Variants in RUNX3 observed in about 807,000 individuals in gnomAD.
RUNX3 encodes the protein RUNX family transcription factor 3.
RUNX3 carries 10 observed loss-of-function variants against 27.7 expected under a neutral mutation model. The observed-to-expected ratio is 0.36, with a 90% CI of 0.22 to 0.61. RUNX3 has a LOEUF of 0.61. RUNX3 is among the 20% of genes least tolerant of loss of function. RUNX3 has a pLI of 0.72. For synonymous variants in RUNX3, 270 were observed against 269.2 expected, an observed-to-expected ratio of 1.00 and a Z score of -0.03; for missense variants, 469 against 629.5, an observed-to-expected ratio of 0.75 and a Z score of 2.73.
At chr1:24,945,113 C>T (rs1571344842) in intron 2 of RUNX3, among the ~76,000 whole-genome samples, 1 of 152,240 alleles carries the variant, frequency 6.6e-6, no homozygotes, top group South Asian at 2.1e-4. Flanking sequence ...GTGTTACATT[C>T]GCAGATAGAG....
chr1:24,941,729 T>G (rs1332121718), intron 2 of RUNX3, among the ~76,000 whole-genome samples: 1 of 152,106 alleles, frequency 6.6e-6, no homozygotes, highest in Non-Finnish European at 1.5e-5. Flanking sequence ...GGATGCTGCC[T>G]AGGAGATCTG....
Position 24,923,253 on chromosome 1 carries a change from G to A in RUNX3, c.440-3909C>T, listed in dbSNP as rs1641034739. On this transcript the variant is annotated intron_variant, in intron 2 of 4. Coordinates refer to ENST00000308873, the MANE Select transcript of RUNX3 (RefSeq NM_004350.3). The surrounding 1 kb of genome is among the most constrained non-coding windows in gnomAD (Gnocchi z 5.9). ...AGAGGAGTGTGGGGCCTAAGAGGAG[G>A]AGTGAGAGGGAGGGGCAGGAGTCCT... Among the ~76,000 whole-genome samples, 1 of 152,150 alleles carries A rather than the reference G, an allele frequency of 6.6e-6. No homozygotes were observed. Among genetic ancestry groups the A allele is most frequent in the African/African-American group, 2.4e-5 (1 of 41,426 alleles).
rs1641115979 is a variant in RUNX3 at position 24,927,233 on chromosome 1, A to C, written c.439+341T>G. 6.6e-6 allele frequency among the ~76,000 whole-genome samples: 1 copy of C among 152,270 alleles called. No individual in the cohort carries two copies. Among genetic ancestry groups the C allele is most frequent in the Admixed American group, 6.5e-5 (1 of 15,302 alleles). ...CTGCAACCGCCTTGCTGAAAGACCT[A>C]TAAGCTCCCTTTTTGAGCTTGTTAA... On this transcript the variant is annotated intron_variant, in intron 2 of 4. Coordinates refer to ENST00000308873, the MANE Select transcript of RUNX3 (RefSeq NM_004350.3). The surrounding 1 kb of genome is among the most constrained non-coding windows in gnomAD (Gnocchi z 5.0).
At chr1:24,917,625 C>T (rs537922876) in intron 3 of RUNX3, among the ~76,000 whole-genome samples, 1 of 152,262 alleles carries the variant, frequency 6.6e-6, no homozygotes, top group South Asian at 2.1e-4. Context: ...GTGACGGATC[C>T]CTTGCTAACC....
At chr1:24,921,661 C>T (rs1248484875) in intron 2 of RUNX3, among the ~76,000 whole-genome samples, 1 of 152,234 alleles carries the variant, frequency 6.6e-6, no homozygotes, top group African/African-American at 2.4e-5. Context: ...GGTCATTTCT[C>T]TGCTGGACCT....
At chr1:24,934,348 T>A (rs779516659), upstream of RUNX3, among the ~76,000 whole-genome samples, 1 of 152,078 alleles carries the variant, frequency 6.6e-6, no homozygotes, top group Non-Finnish European at 1.5e-5. Flanking sequence ...GGAGCACAAA[T>A]GTGCTTCTCA....
chr1:24,920,287 T>C (rs961207081), intron 2 of RUNX3, among the ~76,000 whole-genome samples: 1 of 152,212 alleles, frequency 6.6e-6, no homozygotes, highest in East Asian at 1.9e-4. Flanking sequence ...TCTGCATCTC[T>C]GCTTATTTCC....
upstream of RUNX3, among the ~76,000 whole-genome samples, chr1:24,932,143 G>C (rs1474638111): frequency 6.6e-6 from 1 of 152,224 alleles, no homozygotes; most frequent in Non-Finnish European, 1.5e-5. Flanking sequence ...GGTTTGCACC[G>C]TGCCCTTTGC....
chr1:24,922,592 G>A (rs1448028688), intron 2 of RUNX3, among the ~76,000 whole-genome samples: 2 of 151,752 alleles, frequency 1.3e-5, no homozygotes, highest in Admixed American at 1.3e-4. Context: ...TTGTCATTAG[G>A]CCCAATGCTA....
chr1:24,912,444 T>C (rs1640813838), intron 3 of RUNX3, among the ~76,000 whole-genome samples: 1 of 152,150 alleles, frequency 6.6e-6, no homozygotes, highest in Non-Finnish European at 1.5e-5. Flanking sequence ...CTGCCAGCAA[T>C]GCTTTCTGTC....
At chr1:24,954,706 C>T (rs1641869362) in intron 2 of RUNX3, among the ~76,000 whole-genome samples, 1 of 152,260 alleles carries the variant, frequency 6.6e-6, no homozygotes, top group African/African-American at 2.4e-5. Context: ...ACGGACGTGG[C>T]CATCCACGGA....
chr1:24,954,777 A>G (rs1641871830), intron 2 of RUNX3, among the ~76,000 whole-genome samples: 1 of 152,192 alleles, frequency 6.6e-6, no homozygotes, highest in African/African-American at 2.4e-5. Flanking sequence ...CTAGAGACTG[A>G]TAAAAACAGG....
At chr1:24,947,182 T>C (rs1185975969) in intron 2 of RUNX3, among the ~76,000 whole-genome samples, 1 of 152,218 alleles carries the variant, frequency 6.6e-6, no homozygotes, top group East Asian at 1.9e-4. Flanking sequence ...CTGTGGGCCC[T>C]AGGCCTTGTC....
chr1:24,911,901 T>C (rs1640804188), intron 3 of RUNX3, among the ~76,000 whole-genome samples: 1 of 152,218 alleles, frequency 6.6e-6, no homozygotes, highest in Admixed American at 6.5e-5. Context: ...TAGGGCAGAC[T>C]TCCCGGAGGA....
At chr1:24,944,082 G>A (rs536248040) in intron 2 of RUNX3, among the ~76,000 whole-genome samples, 7 of 152,244 alleles carry the variant, frequency 4.6e-5, no homozygotes, top group East Asian at 1.9e-4. Flanking sequence ...TTATTAAAAT[G>A]TGAGTACTCC....
chr1:24,916,024 C>T lies in RUNX3; in HGVS notation c.544+3216G>A, dbSNP rs1481211140. On this transcript the variant is annotated intron_variant, in intron 3 of 4. Coordinates refer to ENST00000308873, the MANE Select transcript of RUNX3 (RefSeq NM_004350.3). The surrounding 1 kb of genome is among the most constrained non-coding windows in gnomAD (Gnocchi z 4.8). ...CCCAGCTGGCCACCTGGCTGCAGGC[C>T]GGGCACGCTCTGCAGGGCACCAGAG... 9.9e-5 allele frequency among the ~76,000 whole-genome samples: 15 copies of T among 152,192 alleles called. No individual in the cohort carries two copies. The highest frequency in any genetic ancestry group is 3.4e-4 in the African/African-American group (14 of 41,432).
chr1:24,909,695 A>G (rs1306834840), intron 3 of RUNX3, among the ~76,000 whole-genome samples: 3 of 152,126 alleles, frequency 2.0e-5, no homozygotes, highest in African/African-American at 7.2e-5. Flanking sequence ...GTTCCCTTAC[A>G]TGCAACACTC....
At position 24,904,904 on chromosome 1, in the gene RUNX3, G is replaced by A. The variant is rs989096565; in HGVS notation, c.704-2238C>T. Reference sequence around the variant, plus strand: ...CAGCCCCAGGAAACCCGAGCTGCCCGGGGCACTGTCGAGTGGCCAATCCCA... The same window carrying A: ...CAGCCCCAGGAAACCCGAGCTGCCCAGGGCACTGTCGAGTGGCCAATCCCA... On this transcript the variant is annotated intron_variant, in intron 4 of 4. Transcript: ENST00000308873. This position sits in a 1 kb window ranked among gnomAD's most constrained non-coding sequence, Gnocchi z 5.7. Among the ~76,000 whole-genome samples, 2 of 152,228 alleles carry A rather than the reference G, an allele frequency of 1.3e-5. No homozygotes were observed. The highest frequency in any genetic ancestry group is 6.5e-5 in the Admixed American group (1 of 15,288).
chr1:24,907,934 A>C (rs559656600), intron 3 of RUNX3, among the ~76,000 whole-genome samples: 32 of 149,912 alleles, frequency 2.1e-4, no homozygotes, highest in African/African-American at 3.7e-4. Flanking sequence ...AAACCTCTAC[A>C]ACACGCGGTG....
Sources: allele counts gnomAD v4.1 joint callset (sites outside exome capture counted in the v4.1 genomes callset), GRCh38; gene constraint gnomAD v4.1.1; non-coding constraint Gnocchi (gnomAD v3.1); transcripts MANE v1.5; gene names NCBI Gene and HGNC (gene_info 2026-07-23, HGNC 2026-07-21).